Variants in ATRX observed in about 807,000 individuals in gnomAD.
ATRX encodes the protein ATRX chromatin remodeler.
ATRX carries 12 observed loss-of-function variants against 172.6 expected under a neutral mutation model. That is an observed-to-expected ratio of 0.07 (90% CI 0.04 to 0.11). The LOEUF is 0.11. Ranked by LOEUF, ATRX falls within the 10% of genes least tolerant of loss-of-function variation. The pLI is 1.00. For missense variants in ATRX, 1,368 were observed against 1,767.4 expected (o/e 0.77, Z 4.05); for synonymous variants, 674 against 594.7 (o/e 1.13, Z -1.94).
rs1569512350 is a variant in ATRX at position 77,506,747 on chromosome X, C to T, written c.*1604G>A. ...ACCAAACCTCACAAATTCTGTATCACAATCCTAGTGCTCTTGGATGTTTTA... is the reference window on the plus strand; with the variant it reads ...ACCAAACCTCACAAATTCTGTATCATAATCCTAGTGCTCTTGGATGTTTTA... On this transcript the variant is annotated 3_prime_UTR_variant, in exon 35 of 35. Transcript: ENST00000373344. 1 of 173,002 alleles carries T rather than the reference C, an allele frequency of 5.8e-6. No homozygotes were observed. The highest frequency in any genetic ancestry group is 3.0e-5 in the African/African-American group (1 of 33,542). 14.3% of individuals were successfully genotyped at this position (173,002 alleles called of 1,213,427 possible). A position where few individuals can be genotyped will look rare whatever the true frequency, so the allele number is the denominator to read the frequency against.
Position 77,786,016 on chromosome X carries a change from G to T in ATRX, c.-15C>A. On this transcript the variant is annotated 5_prime_UTR_variant, in exon 1 of 35. Transcript: ENST00000373344. ...TCAGCGGTCATGTTTTCGCTTGAACGCCTTGTCGGCTTCTGTGATTGCTGG... is the reference window on the plus strand; with the variant it reads ...TCAGCGGTCATGTTTTCGCTTGAACTCCTTGTCGGCTTCTGTGATTGCTGG... 1 of 1,190,823 alleles carries T rather than the reference G, an allele frequency of 8.4e-7. No homozygotes were observed. The highest frequency in any genetic ancestry group is 1.1e-6 in the Non-Finnish European group (1 of 885,278).
chrX:77,573,616 T>A (rs781856590), intron 28 of ATRX, among the ~76,000 whole-genome samples: 44 of 111,526 alleles, frequency 3.9e-4, no homozygotes, highest in African/African-American at 1.2e-3. Flanking sequence ...GAGATGCCAC[T>A]ACACATACAT....
intron 27 of ATRX, among the ~76,000 whole-genome samples, chrX:77,588,317 A>C (rs2066107514): frequency 8.9e-6 from 1 of 112,673 alleles, no homozygotes. Flanking sequence ...CTAAAACTAT[A>C]AAACTCTTTT....
intron 9 of ATRX, among the ~76,000 whole-genome samples, chrX:77,680,947 T>C (rs1242273747): frequency 8.9e-6 from 1 of 111,975 alleles, no homozygotes; most frequent in Non-Finnish European, 1.9e-5. Context: ...CTAATCCAGC[T>C]AATGTTTGGA....
At chrX:77,697,674 T>C (rs1557150771) in intron 3 of ATRX, 39 bp from the exon 4 acceptor site, 1 of 1,137,077 alleles carries the variant, frequency 8.8e-7, no homozygotes, top group East Asian at 3.0e-5. Flanking sequence ...AATAAAATTC[T>C]CGAAACGGCA....
intron 21 of ATRX, among the ~76,000 whole-genome samples, chrX:77,618,178 TTAAAAC>T (rs1351767331): frequency 8.9e-6 from 1 of 112,316 alleles, no homozygotes; most frequent in Non-Finnish European, 1.9e-5. Flanking sequence ...GTCTCATTTG[TTAAAAC>T]ATCTTTGAGG....
intron 12 of ATRX, among the ~76,000 whole-genome samples, chrX:77,660,575 T>C (rs1423503710): frequency 9.4e-6 from 1 of 106,441 alleles, no homozygotes; most frequent in Non-Finnish European, 1.9e-5. Flanking sequence ...TCAAAATAAA[T>C]AAATAAATAA....
At chrX:77,659,864 AG>A (rs1196243519) in intron 12 of ATRX, among the ~76,000 whole-genome samples, 3 of 111,641 alleles carry the variant, frequency 2.7e-5, no homozygotes, top group Non-Finnish European at 5.6e-5. Context: ...CAAATAATAT[AG>A]GAACATTAGA....
intron 25 of ATRX, among the ~76,000 whole-genome samples, chrX:77,597,353 A>C (rs1452220634): frequency 2.7e-5 from 3 of 110,816 alleles, no homozygotes; most frequent in Non-Finnish European, 5.7e-5. Context: ...GAAAGAATTT[A>C]TGACTAATTC....
intron 12 of ATRX, among the ~76,000 whole-genome samples, chrX:77,659,145 A>T (rs2069718628): frequency 9.0e-6 from 1 of 111,232 alleles, no homozygotes; most frequent in East Asian, 2.8e-4. Context: ...TTATGGTTGT[A>T]TAAAAATGTG....
rs1271635013 is a variant in ATRX, at chrX:77,682,366, T to C, written c.2890A>G (p.Ile964Val). Residue 964 changes from isoleucine to valine, a missense_variant, in exon 9 of 35, where the codon ATT (isoleucine) becomes GTT (valine). Around this residue, in one of 17 missense-constraint regions of ATRX, gnomAD observed 843 missense variants for 643.1 expected, o/e 1.31. Transcript: ENST00000373344. ...TCTTTCTTTAGGAATTTCTCTGCAA[T>C]ATCAGATAAGCCATCCTGTACTTTT... is the stretch of plus-strand genomic sequence containing the variant. ...CKKVQDGLSD[I>V]AEKFLKKDQS... 4.0e-5 allele frequency: 48 copies of C among 1,209,533 alleles called. No individual in the cohort carries two copies. The highest frequency in any genetic ancestry group is 5.0e-5 in the Non-Finnish European group (45 of 894,958).
At chrX:77,639,336 G>A (rs2068542322) in intron 15 of ATRX, among the ~76,000 whole-genome samples, 1 of 112,109 alleles carries the variant, frequency 8.9e-6, no homozygotes, top group African/African-American at 3.2e-5. Context: ...CCATGTTGTG[G>A]AGAGAGAACT....
chrX:77,620,866 T>A (rs904490534), intron 19 of ATRX, among the ~76,000 whole-genome samples: 1 of 112,106 alleles, frequency 8.9e-6, no homozygotes, highest in African/African-American at 3.2e-5. Flanking sequence ...TCTTTTAAAA[T>A]TGAAAAGTCT....
chrX:77,566,267 G>A (rs782414222), intron 28 of ATRX, among the ~76,000 whole-genome samples: 60 of 111,269 alleles, frequency 5.4e-4, no homozygotes, highest in Non-Finnish European at 9.1e-4. Context: ...AGAGAGAAAC[G>A]ACACCTTATC....
At chrX:77,700,957 T>C (rs189403942) in intron 2 of ATRX, among the ~76,000 whole-genome samples, 3 of 112,641 alleles carry the variant, frequency 2.7e-5, no homozygotes, top group African/African-American at 9.7e-5. Flanking sequence ...GATACCACAA[T>C]GGTGAATGCA....
chrX:77,671,909 C>T (rs1300211139), intron 10 of ATRX, among the ~76,000 whole-genome samples: 1 of 110,646 alleles, frequency 9.0e-6, no homozygotes, highest in East Asian at 2.8e-4. Context: ...CACCACTACA[C>T]ATCATATGTC....
At chrX:77,649,187 A>AAAGGAAGGAAGG (rs782465684) in intron 15 of ATRX, among the ~76,000 whole-genome samples, 1 of 109,904 alleles carries the variant, frequency 9.1e-6, no homozygotes, top group Non-Finnish European at 1.9e-5. Context: ...AGAAAGAAAG[A>AAAGGAAGGAAGG]AAGGAAGGAA....
intron 1 of ATRX, among the ~76,000 whole-genome samples, chrX:77,738,732 T>C (rs1557180374): frequency 9.2e-6 from 1 of 108,633 alleles, no homozygotes; most frequent in African/African-American, 3.4e-5. Flanking sequence ...CCCGGCTAAT[T>C]TTTATATTTT....
chrX:77,532,961 C>T (rs2063628908), intron 30 of ATRX, among the ~76,000 whole-genome samples: 1 of 111,613 alleles, frequency 9.0e-6, no homozygotes, highest in African/African-American at 3.3e-5. Context: ...GAAACAACCC[C>T]ATTAAAAAGT....
Sources: allele counts gnomAD v4.1 joint callset (sites outside exome capture counted in the v4.1 genomes callset), GRCh38; gene constraint gnomAD v4.1.1; regional missense constraint gnomAD v4.1.1; transcripts MANE v1.5; gene names NCBI Gene and HGNC (gene_info 2026-07-23, HGNC 2026-07-21).